PHF24: variants seen among roughly 807,000 people sequenced by gnomAD.
PHF24 encodes PHD finger protein 24.
In PHF24, 25 loss-of-function variants were observed where a neutral mutation model predicts 42.6. That is an observed-to-expected ratio of 0.59 (90% CI 0.43 to 0.82). The LOEUF is 0.82. PHF24 is among the 40% of genes least tolerant of loss of function. The pLI, the probability that PHF24 is intolerant of heterozygous loss-of-function variation, is 0.00. For synonymous variants in PHF24, 185 were observed against 204.8 expected (o/e 0.90, Z 0.83); for missense variants, 470 against 538.1 (o/e 0.87, Z 1.25).
At chr9:34,707,792 A>G in the PHF24 span, among the ~76,000 whole-genome samples, 1 of 151,970 alleles carries the variant, frequency 6.6e-6, no homozygotes, top group East Asian at 1.9e-4. Flanking sequence ...CAATGGCACA[A>G]TCGATCTCAC....
At chr9:34,724,954 G>C in the PHF24 span, 1 of 1,551,662 alleles carries the variant, frequency 6.4e-7, no homozygotes, top group Non-Finnish European at 8.7e-7. Flanking sequence ...ACAAGACTCG[G>C]AGCAGCTTAG....
chr9:34,705,472 G>A, the PHF24 span, among the ~76,000 whole-genome samples: 11 of 152,072 alleles, frequency 7.2e-5, no homozygotes, highest in African/African-American at 2.4e-4. Flanking sequence ...TTTTTGTACA[G>A]ACGAGGTCTC....
chr9:34,680,459 C>T, the PHF24 span, among the ~76,000 whole-genome samples: 40 of 151,748 alleles, frequency 2.6e-4, no homozygotes, highest in Middle Eastern at 3.4e-3. Context: ...GAGGCCGAGG[C>T]GGGTGGATCA....
chr9:34,876,559 C>T, the PHF24 span, among the ~76,000 whole-genome samples: 2 of 152,050 alleles, frequency 1.3e-5, no homozygotes, highest in African/African-American at 4.8e-5. Flanking sequence ...AGAAGATACA[C>T]AGATGGCAAT....
chr9:34,982,313 A>G (rs1312391989), exon 8 of PHF24: 1 of 152,224 alleles, frequency 6.6e-6, no homozygotes, highest in Non-Finnish European at 1.5e-5. Flanking sequence ...CTCTGAGAAC[A>G]CTTGAGCAAC....
the PHF24 span, among the ~76,000 whole-genome samples, chr9:34,712,822 G>C: frequency 1.3e-5 from 2 of 151,988 alleles, no homozygotes; most frequent in African/African-American, 4.8e-5. Context: ...TGAGATTTCA[G>C]CTTCTCACCC....
At chr9:34,969,265 A>G (rs1281880782) in intron 1 of PHF24, among the ~76,000 whole-genome samples, 1 of 152,142 alleles carries the variant, frequency 6.6e-6, no homozygotes, top group Non-Finnish European at 1.5e-5. Context: ...TTAATTCAAC[A>G]TATACAAAAT....
the PHF24 span, among the ~76,000 whole-genome samples, chr9:34,845,089 G>A: frequency 6.6e-6 from 1 of 151,918 alleles, no homozygotes; most frequent in South Asian, 2.1e-4. Flanking sequence ...GACCTTCTTT[G>A]TCTTATTTTA....
chr9:34,865,329 C>CAAGGTGGG, the PHF24 span, among the ~76,000 whole-genome samples: 67,658 of 151,068 alleles, frequency 0.45, 15,706 homozygotes, highest in East Asian at 0.66. Context: ...TTGGGGAGGC[C>CAAGGTGGG]AAGGTGGGCG....
the PHF24 span, among the ~76,000 whole-genome samples, chr9:34,800,746 A>G: frequency 6.6e-6 from 1 of 152,214 alleles, no homozygotes; most frequent in Non-Finnish European, 1.5e-5. Flanking sequence ...ACCATTCAGG[A>G]CCTAGGCATG....
chr9:34,845,243 G>A, the PHF24 span, among the ~76,000 whole-genome samples: 1 of 152,120 alleles, frequency 6.6e-6, no homozygotes, highest in African/African-American at 2.4e-5. Flanking sequence ...CTTGCAGGCA[G>A]CATACAGTTG....
At chr9:34,947,203 G>A in the PHF24 span, among the ~76,000 whole-genome samples, 1 of 152,238 alleles carries the variant, frequency 6.6e-6, no homozygotes, top group African/African-American at 2.4e-5. Flanking sequence ...ATTTCAACAA[G>A]TGACCTTCCT....
intron 1 of PHF24, among the ~76,000 whole-genome samples, chr9:34,961,912 G>A (rs1826600883): frequency 6.6e-6 from 1 of 152,238 alleles, no homozygotes; most frequent in South Asian, 2.1e-4. Context: ...AAGCAGAGCT[G>A]TGTGGGCTAA....
At chr9:34,741,331 G>T in the PHF24 span, among the ~76,000 whole-genome samples, 2 of 151,996 alleles carry the variant, frequency 1.3e-5, no homozygotes, top group African/African-American at 2.4e-5. Flanking sequence ...ATTGTTACAA[G>T]GCAGTATTTC....
chr9:34,972,674 G>C, intron 3 of PHF24, 143 bp downstream of exon 3: 1 of 691,816 alleles, frequency 1.4e-6, no homozygotes, highest in Non-Finnish European at 2.3e-6. Flanking sequence ...CCAGCACTTT[G>C]GGAGGCCAGT....
At chr9:34,709,727 C>T in the PHF24 span, 2 of 1,613,412 alleles carry the variant, frequency 1.2e-6, no homozygotes, top group East Asian at 2.2e-5. Flanking sequence ...GCCCACCATG[C>T]CCTCCCCACC....
chr9:34,743,901 C>T, the PHF24 span, among the ~76,000 whole-genome samples: 5 of 152,070 alleles, frequency 3.3e-5, no homozygotes, highest in Non-Finnish European at 5.9e-5. Context: ...TGAGTCGTCC[C>T]GTGGTGGAAG....
the PHF24 span, among the ~76,000 whole-genome samples, chr9:34,935,916 C>T: frequency 2.0e-5 from 3 of 151,846 alleles, no homozygotes; most frequent in Admixed American, 6.6e-5. Context: ...AAGCTGCAGC[C>T]CTACTGGTAA....
the PHF24 span, among the ~76,000 whole-genome samples, chr9:34,819,616 T>C: frequency 6.6e-6 from 1 of 152,178 alleles, no homozygotes; most frequent in Admixed American, 6.5e-5. Flanking sequence ...TTTCCAGATA[T>C]CTTTCTGCCA....
Sources: gnomAD v4.1 joint callset for allele counts (sites outside exome capture counted in the v4.1 genomes callset) on GRCh38, gnomAD v4.1.1 for gene constraint, MANE v1.5 for transcripts, NCBI Gene and HGNC (gene_info 2026-07-23, HGNC 2026-07-21) for gene names.